ROR1: variants seen among roughly 807,000 people sequenced by gnomAD.
ROR1 encodes inactive tyrosine-protein kinase transmembrane receptor ROR1.
In ROR1, 19 loss-of-function variants were observed where a neutral mutation model predicts 78.8. The observed-to-expected ratio is 0.24, with a 90% CI of 0.17 to 0.35. ROR1 has a LOEUF of 0.35. Among genes scored for constraint, ROR1 ranks in the 10% least tolerant of loss-of-function variants. The pLI, the probability that ROR1 is intolerant of heterozygous loss-of-function variation, is 1.00. For missense variants in ROR1, 917 were observed against 1,177.8 expected (o/e 0.78, Z 3.24); for synonymous variants, 386 against 433.6 (o/e 0.89, Z 1.36).
Position 63,971,982 on chromosome 1 carries a change from C to G in ROR1, c.92-37323C>G, listed in dbSNP as rs556597142. 3.3e-5 allele frequency among the ~76,000 whole-genome samples: 5 copies of G among 152,276 alleles called. No individual in the cohort carries two copies. In the South Asian group the frequency reaches 8.3e-4, roughly 25 times the overall value. On this transcript the variant is annotated intron_variant, in intron 1 of 8. Transcript: ENST00000371079. ...ACCCACCTTTCCACTGTATACCGTT[C>G]CACACTTACCCTTTCTTTTGCTTAG... is the stretch of plus-strand genomic sequence containing the variant.
chr1:63,808,890 G>A (rs1448064335), intron 1 of ROR1, among the ~76,000 whole-genome samples: 2 of 151,468 alleles, frequency 1.3e-5, no homozygotes, highest in African/African-American at 4.9e-5. Context: ...GTATTGCCAA[G>A]AAGAGATGTA....
intron 4 of ROR1, among the ~76,000 whole-genome samples, chr1:64,054,278 C>G (rs533559650): frequency 7.6e-4 from 116 of 151,834 alleles, no homozygotes; most frequent in Non-Finnish European, 1.6e-3. Context: ...AAGTCCTTGT[C>G]ATTCTTGCTT....
chr1:63,791,682 T>G (rs1053690960), intron 1 of ROR1, among the ~76,000 whole-genome samples: 2 of 152,156 alleles, frequency 1.3e-5, no homozygotes, highest in African/African-American at 4.8e-5. Flanking sequence ...CTAGCATCTG[T>G]CTTCCCAGAA....
At chr1:63,786,256 A>ATGTTTTT (rs1644685505) in intron 1 of ROR1, among the ~76,000 whole-genome samples, 1 of 67,468 alleles carries the variant, frequency 1.5e-5, no homozygotes. Flanking sequence ...CTACAACTTG[A>ATGTTTTT]TTTTTTTTTT....
At chr1:64,122,235 A>G (rs1448678735) in intron 4 of ROR1, among the ~76,000 whole-genome samples, 1 of 152,210 alleles carries the variant, frequency 6.6e-6, no homozygotes, top group Non-Finnish European at 1.5e-5. Flanking sequence ...GGAGTCATCA[A>G]TGCAATTTAA....
At chr1:63,857,239 T>C (rs1399867244) in intron 1 of ROR1, among the ~76,000 whole-genome samples, 1 of 151,962 alleles carries the variant, frequency 6.6e-6, no homozygotes, top group Non-Finnish European at 1.5e-5. Context: ...TTCTAGATAA[T>C]CAGTTGTTGT....
intron 1 of ROR1, among the ~76,000 whole-genome samples, chr1:63,921,910 A>T (rs570696705): frequency 9.2e-5 from 14 of 152,192 alleles, no homozygotes; most frequent in Admixed American, 9.2e-4. Flanking sequence ...GTGCATTTTT[A>T]TAATTAAAAA....
intron 8 of ROR1, among the ~76,000 whole-genome samples, chr1:64,161,618 G>C (rs1219646786): frequency 6.6e-6 from 1 of 152,222 alleles, no homozygotes; most frequent in Non-Finnish European, 1.5e-5. Flanking sequence ...TTTTCCCAGA[G>C]ACTGGGTGAA....
chr1:63,847,783 C>T (rs180887388), intron 1 of ROR1, among the ~76,000 whole-genome samples: 3 of 152,134 alleles, frequency 2.0e-5, no homozygotes, highest in Non-Finnish European at 2.9e-5. Flanking sequence ...TGTGGTTTTC[C>T]TACACACCTT....
At chr1:64,016,748 T>TATATATATATATATATATATATAA (rs1204103498) in intron 2 of ROR1, among the ~76,000 whole-genome samples, 1 of 149,086 alleles carries the variant, frequency 6.7e-6, no homozygotes, top group African/African-American at 2.4e-5. Flanking sequence ...TATATATATA[T>TATATATATATATATATATATATAA]AAAGATTTTA....
intron 1 of ROR1, among the ~76,000 whole-genome samples, chr1:64,005,896 G>A (rs1398631409): frequency 7.9e-5 from 12 of 152,098 alleles, no homozygotes; most frequent in Non-Finnish European, 2.9e-5. Flanking sequence ...CTAAAGGAAT[G>A]GATCTTGAAG....
At chr1:64,113,030 C>T (rs552662177) in intron 4 of ROR1, among the ~76,000 whole-genome samples, 4 of 152,204 alleles carry the variant, frequency 2.6e-5, no homozygotes, top group African/African-American at 7.2e-5. Context: ...AAACAGTTGC[C>T]ACCTTCCATA....
chr1:64,146,141 C>T (rs775491214), intron 7 of ROR1, among the ~76,000 whole-genome samples: 3 of 152,198 alleles, frequency 2.0e-5, no homozygotes, highest in Non-Finnish European at 4.4e-5. Flanking sequence ...CCTGGGACTA[C>T]AGGCATGCAC....
chr1:64,076,092 T>A (rs1052090442), intron 4 of ROR1, among the ~76,000 whole-genome samples: 1 of 151,812 alleles, frequency 6.6e-6, no homozygotes, highest in African/African-American at 2.4e-5. Flanking sequence ...TCCCACTACC[T>A]TTTAGCTGGA....
At chr1:64,069,727 C>T (rs1201919441) in intron 4 of ROR1, among the ~76,000 whole-genome samples, 1 of 152,186 alleles carries the variant, frequency 6.6e-6, no homozygotes, top group Non-Finnish European at 1.5e-5. Flanking sequence ...AGGCAGCCAG[C>T]GCTGCAGAGG....
chr1:63,918,510 C>T (rs1000883750), intron 1 of ROR1, among the ~76,000 whole-genome samples: 28 of 152,160 alleles, frequency 1.8e-4, no homozygotes, highest in African/African-American at 6.0e-4. Flanking sequence ...CTCTCTAGAG[C>T]GTTTGTGACC....
chr1:64,001,370 AG>A (rs1427031246), intron 1 of ROR1, among the ~76,000 whole-genome samples: 2 of 152,316 alleles, frequency 1.3e-5, no homozygotes, highest in South Asian at 2.1e-4. Flanking sequence ...AGGACTGCAA[AG>A]GGGTTGCACA....
Position 63,998,290 on chromosome 1 carries a change from T to G in ROR1, c.92-11015T>G, listed in dbSNP as rs991983711. Among the ~76,000 whole-genome samples the G allele has an allele frequency of 4.0e-5, 6 of 148,202 alleles. No homozygotes were observed. In the Middle Eastern group the frequency reaches 0.01, roughly 254 times the overall value. ...TAGAAAATTAGGGTAATTTAAGGTT[T>G]TTTTTTTTTGTCTTTTCAATAGTAA... is the stretch of plus-strand genomic sequence containing the variant. On this transcript the variant is annotated intron_variant, in intron 1 of 8. Transcript: ENST00000371079.
At chr1:64,073,346 A>ACCCATT (rs202084405) in intron 4 of ROR1, among the ~76,000 whole-genome samples, 3,001 of 152,104 alleles carry the variant, frequency 0.02, 52 homozygotes, top group Admixed American at 0.031. Context: ...CCTTTATTTT[A>ACCCATT]CCCATTTTTC....
Sources: allele counts gnomAD v4.1 joint callset (sites outside exome capture counted in the v4.1 genomes callset), GRCh38; gene constraint gnomAD v4.1.1; transcripts MANE v1.5; gene names NCBI Gene and HGNC (gene_info 2026-07-23, HGNC 2026-07-21).